The following SETBP1 variants were observed in gnomAD, a reference collection of about 807,000 sequenced individuals.
SETBP1 encodes SET-binding protein.
A neutral mutation model predicts 101.0 loss-of-function variants in SETBP1; 9 were observed. The observed-to-expected ratio is 0.09, with a 90% CI of 0.05 to 0.16. SETBP1 has a LOEUF of 0.16. Among genes scored for constraint, SETBP1 ranks in the 10% least tolerant of loss-of-function variants. The probability of loss-of-function intolerance (pLI) is 1.00; values close to 1 mark genes in which losing one functional copy is unlikely to be tolerated. For synonymous variants in SETBP1, 818 were observed against 788.5 expected (o/e 1.04, Z -0.63); for missense variants, 1,858 against 2,033.8 (o/e 0.91, Z 1.66).
chr18:45,033,991 T>C (rs2073347007), intron 4 of SETBP1, among the ~76,000 whole-genome samples: 1 of 152,200 alleles, frequency 6.6e-6, no homozygotes, highest in African/African-American at 2.4e-5. Context: ...ATAAAGTAGA[T>C]AACTAGCTTT....
chr18:44,999,155 G>A (rs933794981), intron 4 of SETBP1, among the ~76,000 whole-genome samples: 1 of 151,954 alleles, frequency 6.6e-6, no homozygotes, highest in Non-Finnish European at 1.5e-5. Context: ...TGAGACTCAC[G>A]TATGTGTGAT....
At chr18:44,808,732 A>G (rs1472330210) in intron 2 of SETBP1, among the ~76,000 whole-genome samples, 2 of 152,214 alleles carry the variant, frequency 1.3e-5, no homozygotes, top group Non-Finnish European at 2.9e-5. Flanking sequence ...CCAGGCTAAC[A>G]TGATTCTTGC....
chr18:44,727,901 G>A (rs2069750711), intron 2 of SETBP1, among the ~76,000 whole-genome samples: 1 of 152,082 alleles, frequency 6.6e-6, no homozygotes, highest in Admixed American at 6.5e-5. Flanking sequence ...GAGAGTTAGT[G>A]ACACTTTGCT....
In SETBP1 at chr18:44,792,230, T is replaced by C. The variant is rs574192483; in HGVS notation, c.487-77000T>C. On this transcript the variant is annotated intron_variant, in intron 2 of 5. Coordinates refer to ENST00000649279, the MANE Select transcript of SETBP1 (RefSeq NM_015559.3). ...TGTCCCATCCACTACAATACGCAAATACAGTGTCATGCTGGAAAATACAGA... is the reference window on the plus strand; with the variant it reads ...TGTCCCATCCACTACAATACGCAAACACAGTGTCATGCTGGAAAATACAGA... Among the ~76,000 whole-genome samples, 43 of 152,142 alleles carry C rather than the reference T, an allele frequency of 2.8e-4. 1 individual carries two copies. In the East Asian group the frequency reaches 6.4e-3, roughly 23 times the overall value.
At chr18:44,778,588 A>G (rs1165610889) in intron 2 of SETBP1, among the ~76,000 whole-genome samples, 1 of 152,162 alleles carries the variant, frequency 6.6e-6, no homozygotes, top group Non-Finnish European at 1.5e-5. Context: ...TCAAAATGTA[A>G]TTTTCTTAAG....
chr18:44,735,827 G>A (rs183295353), intron 2 of SETBP1, among the ~76,000 whole-genome samples: 21 of 152,298 alleles, frequency 1.4e-4, no homozygotes, highest in Admixed American at 2.0e-4. Context: ...TGCTGCTCTC[G>A]TGTTCAAGGA....
intron 2 of SETBP1, among the ~76,000 whole-genome samples, chr18:44,843,072 C>A (rs1324432990): frequency 6.6e-6 from 1 of 152,226 alleles, no homozygotes; most frequent in Non-Finnish European, 1.5e-5. Context: ...GCCATGCAGG[C>A]CCTAGTAAGC....
intron 3 of SETBP1, among the ~76,000 whole-genome samples, chr18:44,910,036 A>C (rs796158982): frequency 6.6e-5 from 10 of 152,326 alleles, no homozygotes; most frequent in African/African-American, 2.4e-4. Context: ...GCATTCTTTC[A>C]AGAAGTCAGC....
chr18:44,708,220 C>G (rs915930333), intron 2 of SETBP1, among the ~76,000 whole-genome samples: 1 of 152,158 alleles, frequency 6.6e-6, no homozygotes, highest in Non-Finnish European at 1.5e-5. Context: ...CCTTGCCATC[C>G]TATTTTGTCA....
At chr18:45,019,175 C>T (rs2073008193) in intron 4 of SETBP1, among the ~76,000 whole-genome samples, 1 of 152,156 alleles carries the variant, frequency 6.6e-6, no homozygotes, top group Non-Finnish European at 1.5e-5. Flanking sequence ...GGGCTGCCCT[C>T]AGATAACTTT....
intron 4 of SETBP1, among the ~76,000 whole-genome samples, chr18:44,964,046 A>G (rs1181823524): frequency 6.6e-6 from 1 of 150,624 alleles, no homozygotes; most frequent in Non-Finnish European, 1.5e-5. Flanking sequence ...AAGTTGTTAG[A>G]GTGGATACCT....
chr18:44,947,733 C>T (rs781239148), intron 3 of SETBP1, among the ~76,000 whole-genome samples: 3 of 151,998 alleles, frequency 2.0e-5, no homozygotes, highest in African/African-American at 4.8e-5. Flanking sequence ...CTTGAACGCC[C>T]GACCTCAGGT....
rs548124361 is a variant in SETBP1, at chr18:44,855,974, G to A, written c.487-13256G>A. ...CCTACGGGCAGGACTGGGGAGCAAC[G>A]GGAGAGGATGAGTCCTCTAGTTTTG... On this transcript the variant is annotated intron_variant, in intron 2 of 5. Transcript: ENST00000649279. Among the ~76,000 whole-genome samples the A allele has an allele frequency of 2.6e-5, 4 of 152,244 alleles. No homozygotes were observed. The South Asian group carries it at 6.2e-4, about 24-fold the overall frequency.
chr18:44,711,221 G>A (rs1215474426), intron 2 of SETBP1, among the ~76,000 whole-genome samples: 5 of 95,562 alleles, frequency 5.2e-5, no homozygotes, highest in African/African-American at 2.1e-4. Context: ...TCCATCCCTC[G>A]CCCATTCCTC....
chr18:44,980,039 C>G (rs1251605265), intron 4 of SETBP1, among the ~76,000 whole-genome samples: 1 of 152,192 alleles, frequency 6.6e-6, no homozygotes, highest in African/African-American at 2.4e-5. Context: ...GTGGTTAGAG[C>G]AGTGACCACG....
intron 2 of SETBP1, among the ~76,000 whole-genome samples, chr18:44,767,736 CT>C (rs1310538703): frequency 1.3e-5 from 2 of 152,142 alleles, no homozygotes; most frequent in African/African-American, 4.8e-5. Flanking sequence ...TTATGTTATT[CT>C]TATGTCTTTA....
intron 4 of SETBP1, among the ~76,000 whole-genome samples, chr18:45,034,804 T>A (rs1177841260): frequency 2.6e-5 from 4 of 152,168 alleles, no homozygotes; most frequent in Non-Finnish European, 2.9e-5. Context: ...TTTCTGAGTT[T>A]GAGACAGTGA....
chr18:44,899,165 T>G (rs540541099), intron 3 of SETBP1, among the ~76,000 whole-genome samples: 6 of 152,348 alleles, frequency 3.9e-5, no homozygotes, highest in African/African-American at 1.4e-4. Context: ...TCTATGCTTT[T>G]GCCTTTATTA....
chr18:44,788,790 A>ATTTTTTTTTT (rs34929410), intron 2 of SETBP1, among the ~76,000 whole-genome samples: 1 of 80,430 alleles, frequency 1.2e-5, no homozygotes, highest in Non-Finnish European at 2.2e-5. Flanking sequence ...TTCCTTTTTA[A>ATTTTTTTTTT]TTTTTTTTTT....
Sources: gnomAD v4.1 joint callset for allele counts (sites outside exome capture counted in the v4.1 genomes callset) on GRCh38, gnomAD v4.1.1 for gene constraint, MANE v1.5 for transcripts, NCBI Gene and HGNC (gene_info 2026-07-23, HGNC 2026-07-21) for gene names.